DOCK2: variants seen among roughly 807,000 people sequenced by gnomAD.
The protein encoded by DOCK2 is dedicator of cytokinesis protein 2.
DOCK2 carries 87 observed loss-of-function variants against 248.9 expected under a neutral mutation model. The observed-to-expected ratio is 0.35, with a 90% CI of 0.29 to 0.42. DOCK2 has a LOEUF of 0.42. DOCK2 is among the 10% of genes least tolerant of loss of function. The pLI, the probability that DOCK2 is intolerant of heterozygous loss-of-function variation, is 1.00. For synonymous variants in DOCK2, 805 were observed against 821.6 expected, an observed-to-expected ratio of 0.98 and a Z score of 0.35; for missense variants, 1,747 against 2,300.2, an observed-to-expected ratio of 0.76 and a Z score of 4.92.
intron 27 of DOCK2, among the ~76,000 whole-genome samples, chr5:169,855,583 T>TA (rs953169728): frequency 6.6e-6 from 1 of 152,130 alleles, no homozygotes; most frequent in Non-Finnish European, 1.5e-5. Context: ...ATGTGTGTCT[T>TA]AGAGAGAGGC....
At chr5:169,979,186 T>C (rs1033669779) in intron 27 of DOCK2, among the ~76,000 whole-genome samples, 2 of 152,170 alleles carry the variant, frequency 1.3e-5, no homozygotes, top group African/African-American at 2.4e-5. Flanking sequence ...TTCAGGCTTT[T>C]CCAGGTTTCT....
intron 25 of DOCK2, among the ~76,000 whole-genome samples, chr5:169,789,344 G>A (rs977227241): frequency 1.3e-5 from 2 of 152,192 alleles, no homozygotes; most frequent in African/African-American, 2.4e-5. Context: ...ATAATAGAAC[G>A]AATTATATTT....
At chr5:169,957,210 T>A (rs563818300) in intron 27 of DOCK2, among the ~76,000 whole-genome samples, 1 of 152,354 alleles carries the variant, frequency 6.6e-6, no homozygotes, top group African/African-American at 2.4e-5. Flanking sequence ...AATGAATGAA[T>A]GAATTAATTA....
rs768597264 is a variant in DOCK2, at chr5:169,747,447, C to T, written c.2319C>T (p.Leu773=). 2.5e-6 allele frequency: 4 copies of T among 1,613,680 alleles called. No individual in the cohort carries two copies. Among genetic ancestry groups the T allele is most frequent in the Non-Finnish European group, 3.4e-6 (4 of 1,179,834 alleles). ...QMEFEESMRR[L]FESINNLMKS... ...AGTTTGAAGAATCCATGAGACGGCT[C>T]TTTGAATCCATCAACAATCTGATGA... is the stretch of plus-strand genomic sequence containing the variant. Residue 773 remains leucine (L), a synonymous_variant, in exon 23 of 52, where the codon CTC becomes CTT. Transcript: ENST00000520908.
chr5:169,863,941 G>A (rs547047416), intron 27 of DOCK2, among the ~76,000 whole-genome samples: 8 of 152,304 alleles, frequency 5.3e-5, no homozygotes, highest in African/African-American at 1.7e-4. Flanking sequence ...GCATCTTGGA[G>A]GTGTTGGAAG....
intron 29 of DOCK2, among the ~76,000 whole-genome samples, chr5:169,995,032 T>TA (rs201695155): frequency 3.8e-5 from 5 of 132,460 alleles, no homozygotes; most frequent in Admixed American, 7.2e-5. Flanking sequence ...ATTTTTTATT[T>TA]TTTTTTTTTT....
chr5:169,713,419 A>G (rs1293474059), intron 17 of DOCK2, among the ~76,000 whole-genome samples: 1 of 152,198 alleles, frequency 6.6e-6, no homozygotes, highest in Non-Finnish European at 1.5e-5. Context: ...GCCTACCTCT[A>G]GTCATTCATT....
At chr5:170,039,171 A>G (rs1756425476) in intron 36 of DOCK2, among the ~76,000 whole-genome samples, 1 of 152,174 alleles carries the variant, frequency 6.6e-6, no homozygotes, top group Non-Finnish European at 1.5e-5. Flanking sequence ...ATACATGATA[A>G]TAAAACACCC....
intron 24 of DOCK2, among the ~76,000 whole-genome samples, chr5:169,760,953 G>A (rs552787244): frequency 5.8e-4 from 89 of 152,304 alleles, no homozygotes; most frequent in African/African-American, 2.0e-3. Flanking sequence ...TATTTGGGAA[G>A]AGCTATCTCC....
At chr5:169,986,470 A>G (rs1778072806) in intron 29 of DOCK2, among the ~76,000 whole-genome samples, 1 of 152,236 alleles carries the variant, frequency 6.6e-6, no homozygotes, top group Non-Finnish European at 1.5e-5. Context: ...CATCTCCTAC[A>G]CTATCAGTGT....
At chr5:170,004,845 C>T (rs1754963403) in intron 30 of DOCK2, among the ~76,000 whole-genome samples, 1 of 148,018 alleles carries the variant, frequency 6.8e-6, no homozygotes, top group African/African-American at 2.5e-5. Flanking sequence ...CATATTCTCA[C>T]TCATAGGTGG....
chr5:169,937,140 C>T (rs1428907690), intron 27 of DOCK2, among the ~76,000 whole-genome samples: 1 of 152,340 alleles, frequency 6.6e-6, no homozygotes, highest in African/African-American at 2.4e-5. Context: ...TTTACTGCGG[C>T]ACAGATATGC....
Position 170,019,212 on chromosome 5 carries a change from G to A in DOCK2, c.3381+104G>A, listed in dbSNP as rs139850730. On this transcript the variant is annotated intron_variant, in intron 33 of 51. Coordinates refer to ENST00000520908, the MANE Select transcript of DOCK2 (RefSeq NM_004946.3). ...CTCCCTGAGCTTCATTGAGAGGCTC[G>A]GCGGCAGGATAGGGACATTTATTCA... 4.0e-4 allele frequency: 618 copies of A among 1,546,034 alleles called. 6 individuals are homozygous for A. The African/African-American group carries it at 7.0e-3, about 18-fold the overall frequency.
intron 27 of DOCK2, among the ~76,000 whole-genome samples, chr5:169,887,606 A>C (rs532158648): frequency 6.6e-6 from 1 of 152,336 alleles, no homozygotes; most frequent in Admixed American, 6.5e-5. Context: ...TAGTTATACA[A>C]TTATCTATTT....
At chr5:170,054,054 G>A (rs533379319) in intron 41 of DOCK2, among the ~76,000 whole-genome samples, 1 of 152,306 alleles carries the variant, frequency 6.6e-6, no homozygotes, top group Admixed American at 6.5e-5. Flanking sequence ...TTCATGGACT[G>A]TGGTATTTGA....
intron 38 of DOCK2, 84 bp from the exon 39 acceptor site, chr5:170,045,732 A>G: frequency 7.5e-7 from 1 of 1,329,262 alleles, no homozygotes; most frequent in Non-Finnish European, 1.1e-6. Flanking sequence ...CAGGAAGCAC[A>G]GCTACGCCTG....
chr5:169,987,186 A>G (rs1367877433), intron 29 of DOCK2, among the ~76,000 whole-genome samples: 2 of 152,196 alleles, frequency 1.3e-5, no homozygotes, highest in Admixed American at 6.5e-5. Context: ...AGTTGCAGAT[A>G]TATTCCTTGT....
At chr5:169,733,217 C>T (rs1476887573) in intron 22 of DOCK2, among the ~76,000 whole-genome samples, 1 of 151,458 alleles carries the variant, frequency 6.6e-6, no homozygotes, top group Non-Finnish European at 1.5e-5. Context: ...TTGAAAGTTA[C>T]ATTCTGTGTT....
At chr5:169,793,287 C>T (rs978585529) in intron 25 of DOCK2, among the ~76,000 whole-genome samples, 4 of 152,148 alleles carry the variant, frequency 2.6e-5, no homozygotes, top group African/African-American at 4.8e-5. Context: ...CCATGTTCAT[C>T]GACTTCCCTC....
Sources: allele counts gnomAD v4.1 joint callset (sites outside exome capture counted in the v4.1 genomes callset), GRCh38; gene constraint gnomAD v4.1.1; transcripts MANE v1.5; gene names NCBI Gene and HGNC (gene_info 2026-07-23, HGNC 2026-07-21).